Variants in CAMTA1 observed in about 807,000 individuals in gnomAD.
CAMTA1 encodes the protein calmodulin-binding transcription activator 1.
CAMTA1 carries 27 observed loss-of-function variants against 170.9 expected under a neutral mutation model. The ratio of observed to expected loss-of-function variants is 0.16; its 90% CI spans 0.12 to 0.22. CAMTA1 has a LOEUF of 0.22. CAMTA1 is among the 10% of genes least tolerant of loss of function. The probability of loss-of-function intolerance (pLI) is 1.00; values close to 1 mark genes in which losing one functional copy is unlikely to be tolerated. For missense variants in CAMTA1, 1,619 were observed against 2,217.2 expected (o/e 0.73, Z 5.42); for synonymous variants, 833 against 891.5 (o/e 0.93, Z 1.17).
chr1:7,657,378 C>T (rs189146528), intron 7 of CAMTA1, among the ~76,000 whole-genome samples: 5 of 152,236 alleles, frequency 3.3e-5, no homozygotes, highest in African/African-American at 4.8e-5. Flanking sequence ...AGTCAGGTAC[C>T]GCCCGGTGAG....
intron 11 of CAMTA1, among the ~76,000 whole-genome samples, chr1:7,679,129 G>A (rs2096157106): frequency 6.6e-6 from 1 of 152,230 alleles, no homozygotes; most frequent in African/African-American, 2.4e-5. Flanking sequence ...GAGCTGTGAT[G>A]ACCACCCACA....
chr1:7,268,041 TG>T (rs1265298864), intron 5 of CAMTA1, among the ~76,000 whole-genome samples: 1 of 152,208 alleles, frequency 6.6e-6, no homozygotes, highest in Non-Finnish European at 1.5e-5. Flanking sequence ...AAACAACTAT[TG>T]TTGGATAATG....
At chr1:6,903,266 G>T (rs1677536259) in intron 3 of CAMTA1, among the ~76,000 whole-genome samples, 1 of 152,234 alleles carries the variant, frequency 6.6e-6, no homozygotes, top group South Asian at 2.1e-4. Context: ...TAACCGGAAA[G>T]AGGCAAGGAA....
chr1:7,419,243 C>T lies in CAMTA1; in HGVS notation c.439-48587C>T, dbSNP rs535954627. Among the ~76,000 whole-genome samples, 575 of 152,306 alleles carry T rather than the reference C, an allele frequency of 3.8e-3. 2 individuals are homozygous for T. Among genetic ancestry groups the T allele is most frequent in the Middle Eastern group, 6.8e-3 (2 of 294 alleles). On this transcript the variant is annotated intron_variant, in intron 5 of 22. Transcript: ENST00000303635. The stretch of plus-strand genomic sequence containing the variant: ...CGATCTCGGCTCACTGCAACCTCCA[C>T]CTCCTGGGTTTAAATGATTCTTCTG...
In CAMTA1 at chr1:7,562,700, C is replaced by T. The variant is rs2094974901; in HGVS notation, c.511-77700C>T. Among the ~76,000 whole-genome samples, 2 of 152,214 alleles carry T rather than the reference C, an allele frequency of 1.3e-5. No homozygotes were observed. Among genetic ancestry groups the T allele is most frequent in the South Asian group, 4.1e-4 (2 of 4,834 alleles). On this transcript the variant is annotated intron_variant, in intron 6 of 22. Transcript: ENST00000303635. This position sits in a 1 kb window ranked among gnomAD's most constrained non-coding sequence, Gnocchi z 4.8. ...GGTTTATCTGACCCCGCAGCTGGCA[C>T]GGAGATGCTGGGAGAAGGGTCTGAT...
Position 7,552,991 on chromosome 1 carries a change from C to T in CAMTA1, c.510+85090C>T, listed in dbSNP as rs117719156. Among the ~76,000 whole-genome samples, 382 of 152,276 alleles carry T rather than the reference C, an allele frequency of 2.5e-3. 19 individuals are homozygous for T. The East Asian group carries it at 0.066, about 26-fold the overall frequency. On this transcript the variant is annotated intron_variant, in intron 6 of 22. Transcript: ENST00000303635. ...CCAACAGCCGGTGAGGACAGAGGGACCTCTGGGAGCTGCAATAGGAACAGC... is the reference window on the plus strand; with the variant it reads ...CCAACAGCCGGTGAGGACAGAGGGATCTCTGGGAGCTGCAATAGGAACAGC...
chr1:7,332,447 C>T (rs942535703), intron 5 of CAMTA1, among the ~76,000 whole-genome samples: 2 of 152,100 alleles, frequency 1.3e-5, no homozygotes, highest in South Asian at 4.1e-4. Flanking sequence ...TTTGCAGGAG[C>T]CTTTTCTATT....
At chr1:7,471,169 G>GTGTC (rs1041901199) in intron 6 of CAMTA1, among the ~76,000 whole-genome samples, 3 of 152,208 alleles carry the variant, frequency 2.0e-5, no homozygotes, top group Non-Finnish European at 4.4e-5. Flanking sequence ...CTCTCTGTCT[G>GTGTC]TGTCTGTCTG....
At chr1:7,587,871 C>G (rs2095324156) in intron 6 of CAMTA1, among the ~76,000 whole-genome samples, 1 of 152,080 alleles carries the variant, frequency 6.6e-6, no homozygotes, top group Admixed American at 6.5e-5. Context: ...CCTGAGAGGT[C>G]AGGCTCAGAG....
chr1:7,724,373 A>G (rs1020422332), intron 11 of CAMTA1, among the ~76,000 whole-genome samples: 1 of 152,228 alleles, frequency 6.6e-6, no homozygotes, highest in Non-Finnish European at 1.5e-5. Flanking sequence ...GTTAGAGGAA[A>G]CTGAGTGAGG....
At chr1:7,611,720 C>T (rs2095524998) in intron 6 of CAMTA1, among the ~76,000 whole-genome samples, 1 of 152,240 alleles carries the variant, frequency 6.6e-6, no homozygotes, top group South Asian at 2.1e-4. Context: ...CCTTTCCCAC[C>T]TGCACTCGCT....
At chr1:7,137,234 G>A (rs9434852) in intron 4 of CAMTA1, among the ~76,000 whole-genome samples, 33,364 of 152,000 alleles carry the variant, frequency 0.22, 3,877 homozygotes, top group Non-Finnish European at 0.26. Context: ...CAACTTATTC[G>A]AAACCTTCAC....
intron 1 of CAMTA1, among the ~76,000 whole-genome samples, chr1:6,803,837 C>T (rs1200681304): frequency 6.6e-6 from 1 of 152,152 alleles, no homozygotes; most frequent in Non-Finnish European, 1.5e-5. Context: ...GCCTCAGACT[C>T]CCAAGTGGTT....
At chr1:6,870,155 C>T (rs1268502592) in intron 3 of CAMTA1, among the ~76,000 whole-genome samples, 1 of 152,076 alleles carries the variant, frequency 6.6e-6, no homozygotes, top group East Asian at 1.9e-4. Context: ...TTGTTACAAA[C>T]ATGCTGAAAT....
rs1377005360 is a variant in CAMTA1, at chr1:7,064,090, C to A, written c.235-27214C>A. ...CCTTCTCCTCCTCCTCCTCCTCCTT[C>A]TTCTCCTCCTTCTCTCCTTCCCTCC... On this transcript the variant is annotated intron_variant, in intron 3 of 22. Transcript: ENST00000303635. This position sits in a 1 kb window ranked among gnomAD's most constrained non-coding sequence, Gnocchi z 5.4. Among the ~76,000 whole-genome samples, 3 of 151,394 alleles carry A rather than the reference C, an allele frequency of 2.0e-5. No homozygotes were observed. Among genetic ancestry groups the A allele is most frequent in the African/African-American group, 7.3e-5 (3 of 41,156 alleles).
intron 5 of CAMTA1, among the ~76,000 whole-genome samples, chr1:7,281,607 TGTGA>T (rs1242538811): frequency 1.3e-5 from 2 of 152,242 alleles, no homozygotes; most frequent in Admixed American, 6.5e-5. Flanking sequence ...TAATGCAGAC[TGTGA>T]GTATCAATAT....
chr1:7,193,492 C>T (rs1300176108), intron 4 of CAMTA1, among the ~76,000 whole-genome samples: 2 of 151,756 alleles, frequency 1.3e-5, no homozygotes, highest in Non-Finnish European at 2.9e-5. Context: ...CTGATGACAG[C>T]AGATAAGTGC....
intron 3 of CAMTA1, among the ~76,000 whole-genome samples, chr1:6,957,895 G>A (rs1379166945): frequency 6.6e-6 from 1 of 152,224 alleles, no homozygotes; most frequent in African/African-American, 2.4e-5. Context: ...CTGGGCACAG[G>A]CAAGGATCAG....
Position 7,680,134 on chromosome 1 carries a change from CG to C in CAMTA1, c.2914+2406del. On this transcript the variant is annotated intron_variant, in intron 11 of 22. Coordinates refer to ENST00000303635, the MANE Select transcript of CAMTA1 (RefSeq NM_015215.4). This position sits in a 1 kb window ranked among gnomAD's most constrained non-coding sequence, Gnocchi z 4.4. ...CCGCGGGAACAGCTAGTCGGGAGCG[CG>C]GGGGTCCCGGGCCTCTGGCCAGCCA... 1.1e-5 allele frequency: 2 copies of C among 183,302 alleles called. No homozygotes were observed. The highest frequency in any genetic ancestry group is 2.4e-5 in the Non-Finnish European group (2 of 83,666). 11.4% of individuals were successfully genotyped at this position (183,302 alleles called of 1,614,324 possible). A position where few individuals can be genotyped will look rare whatever the true frequency, so the allele number is the denominator to read the frequency against.
Sources: gnomAD v4.1 joint callset for allele counts (sites outside exome capture counted in the v4.1 genomes callset) on GRCh38, gnomAD v4.1.1 for gene constraint, Gnocchi (gnomAD v3.1) non-coding constraint, MANE v1.5 for transcripts, NCBI Gene and HGNC (gene_info 2026-07-23, HGNC 2026-07-21) for gene names.